The following PDE10A variants were observed in gnomAD, a reference collection of about 807,000 sequenced individuals.
The protein encoded by PDE10A is phosphodiesterase 10A.
Under a neutral mutation model 97.7 loss-of-function variants are expected in PDE10A, and 39 were observed. The ratio of observed to expected loss-of-function variants is 0.40; its 90% CI spans 0.31 to 0.52. The LOEUF is 0.52. Ranked by LOEUF, PDE10A falls within the 20% of genes least tolerant of loss-of-function variation. The probability of loss-of-function intolerance (pLI) is 0.56; values close to 1 mark genes in which losing one functional copy is unlikely to be tolerated. For synonymous variants in PDE10A, 371 were observed against 376.8 expected, an observed-to-expected ratio of 0.98 and a Z score of 0.18; for missense variants, 731 against 1,047.8, an observed-to-expected ratio of 0.70 and a Z score of 4.17.
intron 1 of PDE10A, among the ~76,000 whole-genome samples, chr6:165,610,648 T>C (rs1787450752): frequency 6.6e-6 from 1 of 152,218 alleles, no homozygotes; most frequent in South Asian, 2.1e-4. Flanking sequence ...CTTGTGGAAC[T>C]TTTTAACACA....
intron 1 of PDE10A, among the ~76,000 whole-genome samples, chr6:165,749,725 A>C (rs1792953359): frequency 6.6e-6 from 1 of 152,202 alleles, no homozygotes; most frequent in Admixed American, 6.5e-5. Context: ...TATATGAAAA[A>C]CTATTTCATC....
intron 1 of PDE10A, among the ~76,000 whole-genome samples, chr6:165,622,418 A>G (rs1788188242): frequency 6.6e-6 from 1 of 152,198 alleles, no homozygotes; most frequent in South Asian, 2.1e-4. Context: ...CCTACTACAT[A>G]CCAAGGCTTT....
At chr6:165,528,859 C>T (rs1282838483) in intron 2 of PDE10A, among the ~76,000 whole-genome samples, 1 of 152,118 alleles carries the variant, frequency 6.6e-6, no homozygotes, top group Non-Finnish European at 1.5e-5. Context: ...CAATATTTTG[C>T]AGGGCTGGGG....
At chr6:165,463,421 C>T (rs572802016) in intron 3 of PDE10A, among the ~76,000 whole-genome samples, 9 of 152,324 alleles carry the variant, frequency 5.9e-5, no homozygotes, top group East Asian at 1.9e-4. Context: ...ATCCCAGGCA[C>T]GCCTGAGCTT....
At chr6:165,860,814 G>A (rs1440043411) in intron 1 of PDE10A, among the ~76,000 whole-genome samples, 1 of 152,204 alleles carries the variant, frequency 6.6e-6, no homozygotes, top group East Asian at 1.9e-4. Flanking sequence ...GAGTCAGTCT[G>A]CACTAACCTG....
chr6:165,852,746 T>C (rs1319205709), intron 1 of PDE10A, among the ~76,000 whole-genome samples: 2 of 152,196 alleles, frequency 1.3e-5, no homozygotes, highest in African/African-American at 4.8e-5. Flanking sequence ...GAGATACAGC[T>C]GCAGCTGCTG....
intron 2 of PDE10A, among the ~76,000 whole-genome samples, chr6:165,519,518 A>T (rs1782010910): frequency 6.6e-6 from 1 of 151,964 alleles, no homozygotes; most frequent in Admixed American, 6.6e-5. Flanking sequence ...CAGAGGAAAG[A>T]TTGAAGTCCT....
chr6:165,743,413 CT>C lies in PDE10A; in HGVS notation c.-614-199846del, dbSNP rs1329031882. Among the ~76,000 whole-genome samples, 10 of 152,190 alleles carry C rather than the reference CT, an allele frequency of 6.6e-5. 1 individual carries two copies. The highest frequency in any genetic ancestry group is 2.4e-4 in the African/African-American group (10 of 41,452). Reference sequence around the variant, plus strand: ...TGAACTAGTCTTTATTTGGACGTCACTGTTTTTTAATGTCGAAAAACTTTGT... The same window carrying C: ...TGAACTAGTCTTTATTTGGACGTCACGTTTTTTAATGTCGAAAAACTTTGT... On this transcript the variant is annotated intron_variant, in intron 1 of 19. Coordinates refer to the PDE10A transcript ENST00000366882.
chr6:165,332,944 C>A lies in PDE10A; in HGVS notation c.*81G>T, dbSNP rs544018226. The A allele has an allele frequency of 2.2e-5, 14 of 637,754 alleles. No individual in the cohort carries two copies. Among genetic ancestry groups the A allele is most frequent in the South Asian group, 1.8e-4 (12 of 68,248 alleles). 39.5% of individuals were successfully genotyped at this position (637,754 alleles called of 1,614,324 possible). A position where few individuals can be genotyped will look rare whatever the true frequency, so the allele number is the denominator to read the frequency against. On this transcript the variant is annotated 3_prime_UTR_variant, in exon 22 of 22. Coordinates refer to ENST00000539869, the MANE Select transcript of PDE10A (RefSeq NM_001385079.1). The stretch of plus-strand genomic sequence containing the variant: ...GTTACCAGGTGCAGGTTCCCCCCAC[C>A]CCCCCCAAAAAAAGGAAAAGAATGT...
chr6:165,647,320 G>A (rs1789450981), intron 1 of PDE10A, among the ~76,000 whole-genome samples: 1 of 152,190 alleles, frequency 6.6e-6, no homozygotes, highest in Non-Finnish European at 1.5e-5. Flanking sequence ...CAGCGGCAGG[G>A]CCTTCCCACT....
chr6:165,691,110 C>CT lies in PDE10A; in HGVS notation c.-614-147543_-614-147542insA, dbSNP rs1478702192. On this transcript the variant is annotated intron_variant, in intron 1 of 19. Coordinates refer to the PDE10A transcript ENST00000366882. ...CTCTCTCTCTCTCTTTCTCTCTCCC[C>CT]CCCCCCATCAGTGCCTGTGGTCACA... is the stretch of plus-strand genomic sequence containing the variant. Among the ~76,000 whole-genome samples the CT allele has an allele frequency of 6.4e-5, 4 of 62,394 alleles. 1 individual carries two copies. Among genetic ancestry groups the CT allele is most frequent in the African/African-American group, 2.0e-4 (3 of 15,334 alleles). The allele number at this position is 62,394 out of a possible 152,430, so 40.9% of individuals were successfully genotyped here.
intron 3 of PDE10A, among the ~76,000 whole-genome samples, chr6:165,468,373 C>T (rs1778789310): frequency 6.6e-6 from 1 of 152,086 alleles, no homozygotes. Context: ...CAGGCGTGAG[C>T]CACTGCACCT....
intron 1 of PDE10A, among the ~76,000 whole-genome samples, chr6:165,860,092 A>G (rs1415112162): frequency 6.6e-6 from 1 of 152,196 alleles, no homozygotes; most frequent in Non-Finnish European, 1.5e-5. Context: ...GGTCCAGTGT[A>G]TACTGCTTGG....
intron 1 of PDE10A, among the ~76,000 whole-genome samples, chr6:165,880,974 T>G (rs973589277): frequency 6.6e-6 from 1 of 152,180 alleles, no homozygotes; most frequent in African/African-American, 2.4e-5. Context: ...TTCATAAGAG[T>G]TTTTGATGTT....
chr6:165,737,469 T>C (rs1792606648), intron 1 of PDE10A, among the ~76,000 whole-genome samples: 1 of 152,168 alleles, frequency 6.6e-6, no homozygotes, highest in Admixed American at 6.5e-5. Context: ...ACTCCAGGAA[T>C]GCAATGAATT....
Position 165,508,134 on chromosome 6 carries a change from A to G in PDE10A, c.995-25791T>C, listed in dbSNP as rs80199621. 1.2e-4 allele frequency among the ~76,000 whole-genome samples: 19 copies of G among 152,224 alleles called. No homozygotes were observed. In the East Asian group the frequency reaches 3.7e-3, roughly 29 times the overall value. On this transcript the variant is annotated intron_variant, in intron 2 of 21. Coordinates refer to ENST00000539869, the MANE Select transcript of PDE10A (RefSeq NM_001385079.1). The stretch of plus-strand genomic sequence containing the variant: ...ACATATTTAAAGTTAAAAGGTTGCA[A>G]AGTTCACATACACATGTGAAACCAC...
chr6:165,457,168 T>C (rs1296322583), intron 3 of PDE10A, among the ~76,000 whole-genome samples: 4 of 152,182 alleles, frequency 2.6e-5, no homozygotes, highest in African/African-American at 9.7e-5. Flanking sequence ...ATTCTATGGC[T>C]TGACTAATAA....
intron 1 of PDE10A, among the ~76,000 whole-genome samples, chr6:165,579,297 T>C (rs191718153): frequency 4.6e-5 from 7 of 152,312 alleles, no homozygotes; most frequent in East Asian, 1.9e-4. Flanking sequence ...AAAGAATTGA[T>C]TGAAGCCAGG....
At chr6:165,945,917 T>A (rs1475465973) in intron 1 of PDE10A, among the ~76,000 whole-genome samples, 3 of 152,262 alleles carry the variant, frequency 2.0e-5, no homozygotes, top group Non-Finnish European at 4.4e-5. Flanking sequence ...CTTTAGCAAC[T>A]GTAAAAATGC....
Sources: allele counts gnomAD v4.1 joint callset (sites outside exome capture counted in the v4.1 genomes callset), GRCh38; gene constraint gnomAD v4.1.1; transcripts MANE v1.5; gene names NCBI Gene and HGNC (gene_info 2026-07-23, HGNC 2026-07-21).